CYP2C19: variants seen among roughly 807,000 people sequenced by gnomAD.
The protein encoded by CYP2C19 is cytochrome P450 2C19.
A neutral mutation model predicts 40.9 loss-of-function variants in CYP2C19; 59 were observed. The observed-to-expected ratio is 1.44, with a 90% CI of 1.17 to 1.79. CYP2C19 has a LOEUF of 1.79. Ranked by LOEUF, CYP2C19 falls within the 40% of genes most tolerant of loss-of-function variation. The probability of loss-of-function intolerance (pLI) is 0.00; values close to 1 mark genes in which losing one functional copy is unlikely to be tolerated. For synonymous variants in CYP2C19, 253 were observed against 208.7 expected, an observed-to-expected ratio of 1.21 and a Z score of -1.83; for missense variants, 754 against 596.9, an observed-to-expected ratio of 1.26 and a Z score of -2.74.
At chr10:94,811,369 T>C (rs1241806262) in intron 5 of CYP2C19, among the ~76,000 whole-genome samples, 3 of 152,138 alleles carry the variant, frequency 2.0e-5, no homozygotes, top group Non-Finnish European at 4.4e-5. Flanking sequence ...TGATTTAGGG[T>C]GGAGAGTTCT....
At chr10:94,798,202 A>C (rs928762701) in intron 5 of CYP2C19, among the ~76,000 whole-genome samples, 1 of 152,018 alleles carries the variant, frequency 6.6e-6, no homozygotes, top group Non-Finnish European at 1.5e-5. Context: ...GTTTGTTCTC[A>C]TTGGTTTCAA....
In CYP2C19 at chr10:94,839,990, A is replaced by AT. The variant is rs113708910; in HGVS notation, c.962-2838dup. Among the ~76,000 whole-genome samples the AT allele has an allele frequency of 9.0e-3, 1,351 of 150,266 alleles. 16 individuals are homozygous for AT. Among genetic ancestry groups the AT allele is most frequent in the African/African-American group, 0.021 (845 of 40,918 alleles). The stretch of plus-strand genomic sequence containing the variant: ...GTGAGCTACCTTTTTGCTTTTTTTT[A>AT]TTTTTTTTTGACTAAGAATAACTCT... On this transcript the variant is annotated intron_variant, in intron 6 of 8. Transcript: ENST00000371321.
intron 5 of CYP2C19, among the ~76,000 whole-genome samples, chr10:94,810,404 T>C (rs55982893): frequency 0.012 from 1,848 of 152,276 alleles, 53 homozygotes; most frequent in African/African-American, 0.043. Context: ...CCTTATAAAA[T>C]GAGTTAGGAA....
At chr10:94,838,252 C>T (rs770585582) in intron 6 of CYP2C19, among the ~76,000 whole-genome samples, 6 of 152,176 alleles carry the variant, frequency 3.9e-5, no homozygotes, top group Non-Finnish European at 7.3e-5. Context: ...GAACTGCCTG[C>T]TGGCCTGTGG....
chr10:94,833,547 C>T (rs1314186816), intron 6 of CYP2C19, among the ~76,000 whole-genome samples: 2 of 151,916 alleles, frequency 1.3e-5, no homozygotes, highest in Non-Finnish European at 2.9e-5. Flanking sequence ...TGCGCTGCAC[C>T]CAAATGTCCA....
chr10:94,797,529 T>C (rs752871736), intron 5 of CYP2C19, among the ~76,000 whole-genome samples: 4 of 152,130 alleles, frequency 2.6e-5, no homozygotes, highest in Non-Finnish European at 5.9e-5. Flanking sequence ...GGATTCCATC[T>C]TTTTCTCTTG....
intron 6 of CYP2C19, among the ~76,000 whole-genome samples, chr10:94,833,937 T>C (rs552835354): frequency 3.3e-5 from 5 of 152,308 alleles, no homozygotes; most frequent in South Asian, 2.1e-4. Context: ...TCAGTATTCA[T>C]CAGGTGTATT....
rs1848783883 is a variant in CYP2C19, at chr10:94,802,715, C to A, written c.820-17781C>A. 1.3e-5 allele frequency among the ~76,000 whole-genome samples: 2 copies of A among 152,070 alleles called. 1 individual carries two copies. The highest frequency in any genetic ancestry group is 4.1e-4 in the South Asian group (2 of 4,834). ...ACAATTTGGTGTGTTTTTGCAGTGG[C>A]TGGTACCAATTTTTCCTTTCCATAT... On this transcript the variant is annotated intron_variant, in intron 5 of 8. Transcript: ENST00000371321.
At position 94,833,664 on chromosome 10, in the gene CYP2C19, T is replaced by A. The variant is rs145044103; in HGVS notation, c.962-9173T>A. ...TCCTTTGTAGGAACATGGATGAAATTGGAAATCATCATTCTCAAGTGTTTT... is the reference window on the plus strand; with the variant it reads ...TCCTTTGTAGGAACATGGATGAAATAGGAAATCATCATTCTCAAGTGTTTT... On this transcript the variant is annotated intron_variant, in intron 6 of 8. Transcript: ENST00000371321. 3.5e-4 allele frequency among the ~76,000 whole-genome samples: 53 copies of A among 152,340 alleles called. 2 individuals carry two copies. The East Asian group carries it at 9.6e-3, about 28-fold the overall frequency.
chr10:94,829,274 C>A (rs1849288096), intron 6 of CYP2C19, among the ~76,000 whole-genome samples: 1 of 152,154 alleles, frequency 6.6e-6, no homozygotes. Flanking sequence ...AACTTGTTTC[C>A]ATTCTCCCCA....
intron 6 of CYP2C19, among the ~76,000 whole-genome samples, chr10:94,829,042 C>A (rs573948725): frequency 2.6e-5 from 4 of 152,326 alleles, no homozygotes; most frequent in Non-Finnish European, 5.9e-5. Context: ...TGCTGTTAGT[C>A]AGATGGGCTT....
At chr10:94,847,735 A>T (rs1849594775) in intron 7 of CYP2C19, among the ~76,000 whole-genome samples, 2 of 152,094 alleles carry the variant, frequency 1.3e-5, no homozygotes. Flanking sequence ...CCTCTCCTGC[A>T]CCTGTTGTTT....
intron 5 of CYP2C19, among the ~76,000 whole-genome samples, chr10:94,820,172 C>T (rs1202818404): frequency 2.0e-5 from 3 of 151,844 alleles, no homozygotes; most frequent in Non-Finnish European, 4.4e-5. Flanking sequence ...CAGAAAAAGC[C>T]CTTGACAAAA....
intron 8 of CYP2C19, among the ~76,000 whole-genome samples, chr10:94,852,341 G>T (rs1849666004): frequency 6.6e-6 from 1 of 152,174 alleles, no homozygotes; most frequent in South Asian, 2.1e-4. Flanking sequence ...AATGCCGAAT[G>T]TGAGCCTCCT....
intron 5 of CYP2C19, among the ~76,000 whole-genome samples, chr10:94,815,970 A>C (rs923757662): frequency 3.9e-5 from 6 of 152,180 alleles, no homozygotes; most frequent in African/African-American, 1.2e-4. Context: ...TTATTAATTT[A>C]AGTTGTGGTT....
intron 5 of CYP2C19, among the ~76,000 whole-genome samples, chr10:94,813,599 C>T (rs1848958124): frequency 6.6e-6 from 1 of 151,944 alleles, no homozygotes; most frequent in South Asian, 2.1e-4. Context: ...AAACCACCTA[C>T]TCAAGCCTCA....
chr10:94,854,683 A>G lies in CYP2C19; in HGVS notation c.*1769A>G, dbSNP rs1849705905. On this transcript the variant is annotated 3_prime_UTR_variant, in exon 9 of 9. Transcript: ENST00000371321. ...ATGTGCATTCACACATAATATATAT[A>G]TGTATAACTTATGCACACATACATA... Among the ~76,000 whole-genome samples the G allele has an allele frequency of 6.6e-6, 1 of 152,144 alleles. No homozygotes were observed. The highest frequency in any genetic ancestry group is 6.5e-5 in the Admixed American group (1 of 15,272).
chr10:94,830,339 G>T (rs1234792824), intron 6 of CYP2C19, among the ~76,000 whole-genome samples: 1 of 152,244 alleles, frequency 6.6e-6, no homozygotes, highest in Non-Finnish European at 1.5e-5. Context: ...CGAGCCAGGT[G>T]CGGGATATAA....
intron 3 of CYP2C19, among the ~76,000 whole-genome samples, chr10:94,778,294 T>A (rs1458721110): frequency 6.6e-6 from 1 of 152,126 alleles, no homozygotes; most frequent in Non-Finnish European, 1.5e-5. Context: ...TTGTACATAC[T>A]CCTCGTCCTC....
Sources: gnomAD v4.1 joint callset for allele counts (sites outside exome capture counted in the v4.1 genomes callset) on GRCh38, gnomAD v4.1.1 for gene constraint, MANE v1.5 for transcripts, NCBI Gene and HGNC (gene_info 2026-07-23, HGNC 2026-07-21) for gene names.